The following RANBP17 variants were observed in gnomAD, a reference collection of about 807,000 sequenced individuals.
RANBP17 encodes the protein ran-binding protein 17.
RANBP17 carries 158 observed loss-of-function variants against 141.2 expected under a neutral mutation model. The observed-to-expected ratio is 1.12, with a 90% confidence interval of 0.98 to 1.28. The LOEUF (loss-of-function observed/expected upper bound fraction) is 1.28. Among genes scored for constraint, RANBP17 ranks in the 50% most tolerant of loss-of-function variants. The probability of loss-of-function intolerance (pLI) is 0.00; values close to 1 mark genes in which losing one functional copy is unlikely to be tolerated. For synonymous variants in RANBP17, 430 were observed against 450.0 expected, an observed-to-expected ratio of 0.96 and a Z score of 0.56; for missense variants, 1,438 against 1,290.7, an observed-to-expected ratio of 1.11 and a Z score of -1.75.
At chr5:171,003,341 G>C (rs1190794751) in intron 14 of RANBP17, among the ~76,000 whole-genome samples, 1 of 152,178 alleles carries the variant, frequency 6.6e-6, no homozygotes, top group Non-Finnish European at 1.5e-5. Flanking sequence ...GGGTCAGCTA[G>C]GTTTCCTTTT....
At chr5:170,974,952 C>A (rs1299800572) in intron 14 of RANBP17, among the ~76,000 whole-genome samples, 2 of 151,992 alleles carry the variant, frequency 1.3e-5, no homozygotes, top group South Asian at 4.1e-4. Context: ...TTCTTCCAGG[C>A]CCTTGCGCTC....
In RANBP17 at chr5:170,993,714, T is replaced by A. The variant is rs1778648638; in HGVS notation, c.1710+25337T>A. Among the ~76,000 whole-genome samples, 3 of 152,146 alleles carry A rather than the reference T, an allele frequency of 2.0e-5. No individual in the cohort carries two copies. The South Asian group carries it at 6.2e-4, about 31-fold the overall frequency. Reference sequence around the variant, plus strand: ...GTAATGATGATGATAATGATGACCATTGCATGGCTGTCACTTTTCTGGTTC... The same window carrying A: ...GTAATGATGATGATAATGATGACCAATGCATGGCTGTCACTTTTCTGGTTC... On this transcript the variant is annotated intron_variant, in intron 14 of 27. Coordinates refer to ENST00000523189, the MANE Select transcript of RANBP17 (RefSeq NM_022897.5).
At chr5:170,962,824 T>C (rs1431954218) in intron 13 of RANBP17, among the ~76,000 whole-genome samples, 1 of 152,206 alleles carries the variant, frequency 6.6e-6, no homozygotes, top group African/African-American at 2.4e-5. Flanking sequence ...TAAGTAGCTT[T>C]ATTTATAAAT....
intron 14 of RANBP17, among the ~76,000 whole-genome samples, chr5:171,035,343 T>A (rs1442732849): frequency 6.6e-6 from 1 of 152,172 alleles, no homozygotes; most frequent in East Asian, 1.9e-4. Flanking sequence ...GATACCTTAG[T>A]AATTTTTTAA....
intron 14 of RANBP17, among the ~76,000 whole-genome samples, chr5:171,063,566 C>T (rs934130259): frequency 2.0e-5 from 3 of 152,150 alleles, no homozygotes; most frequent in Non-Finnish European, 4.4e-5. Flanking sequence ...GTCAGTCTGC[C>T]CCTACTAGGG....
At position 170,961,753 on chromosome 5, in the gene RANBP17, A is replaced by G. The variant is rs753256989; in HGVS notation, c.1575-6489A>G. Among the ~76,000 whole-genome samples the G allele has an allele frequency of 1.2e-3, 178 of 152,344 alleles. 1 individual carries two copies. Among genetic ancestry groups the G allele is most frequent in the Non-Finnish European group, 2.3e-3 (156 of 68,034 alleles). ...TTCACAAAAGGAATACTTAACCTGT[A>G]TATATTGGTATGTATAGGCATTAGT... On this transcript the variant is annotated intron_variant, in intron 13 of 27. Coordinates refer to ENST00000523189, the MANE Select transcript of RANBP17 (RefSeq NM_022897.5).
At chr5:171,245,265 T>A (rs1313098976) in intron 24 of RANBP17, among the ~76,000 whole-genome samples, 1 of 152,242 alleles carries the variant, frequency 6.6e-6, no homozygotes, top group Non-Finnish European at 1.5e-5. Context: ...TTTGAATGTG[T>A]GCCAGACATC....
intron 25 of RANBP17, among the ~76,000 whole-genome samples, chr5:171,267,684 G>A (rs1427703422): frequency 6.6e-6 from 1 of 152,082 alleles, no homozygotes; most frequent in Non-Finnish European, 1.5e-5. Flanking sequence ...GTGTGTGCCT[G>A]TATTCCCAGC....
At chr5:171,198,272 T>C (rs983873445) in intron 18 of RANBP17, among the ~76,000 whole-genome samples, 4 of 152,230 alleles carry the variant, frequency 2.6e-5, no homozygotes, top group African/African-American at 9.6e-5. Flanking sequence ...TTGGTCTGCC[T>C]TACTCTTTAC....
intron 24 of RANBP17, among the ~76,000 whole-genome samples, chr5:171,254,056 G>A (rs1683521765): frequency 6.6e-6 from 1 of 152,052 alleles, no homozygotes; most frequent in African/African-American, 2.4e-5. Flanking sequence ...GACCATCCTG[G>A]CTAACACGGT....
intron 14 of RANBP17, among the ~76,000 whole-genome samples, chr5:171,104,885 T>C (rs535114563): frequency 6.6e-6 from 1 of 152,318 alleles, no homozygotes; most frequent in African/African-American, 2.4e-5. Flanking sequence ...ACAAATATTA[T>C]TATCAACTTT....
intron 24 of RANBP17, among the ~76,000 whole-genome samples, chr5:171,255,517 T>A (rs1765825798): frequency 6.6e-6 from 1 of 152,044 alleles, no homozygotes; most frequent in South Asian, 2.1e-4. Context: ...GGTAGTCACA[T>A]ACCTTGTTCA....
At chr5:171,058,658 G>A (rs368873672) in intron 14 of RANBP17, among the ~76,000 whole-genome samples, 9 of 149,604 alleles carry the variant, frequency 6.0e-5, no homozygotes, top group African/African-American at 1.5e-4. Context: ...ATGATTTATA[G>A]TCCTTTGGGT....
At position 171,293,961 on chromosome 5, in the gene RANBP17, C is replaced by T; in HGVS notation, c.3022C>T (p.Leu1008Phe). 6.2e-7 allele frequency: 1 copy of T among 1,612,988 alleles called. No individual in the cohort carries two copies. Among genetic ancestry groups the T allele is most frequent in the East Asian group, 2.2e-5 (1 of 44,864 alleles). The change falls in exon 26 of 28, where the codon CTC becomes TTC. Residue 1008 changes from leucine (L) to phenylalanine (F), a missense_variant. Physicochemically the swap from Leu to Phe is conservative, Grantham distance 22 (BLOSUM62 0). Transcript: ENST00000523189. The part of the protein sequence containing the change: ...QWSVSRPLLG[L>F]ILLNEKYFSE... ...GTCAGTATCCAGGCCTCTCCTGGGG[C>T]TCATCCTGCTCAATGAGAAGGTGAG...
intron 4 of RANBP17, among the ~76,000 whole-genome samples, chr5:170,894,486 T>A (rs5873242): frequency 0.074 from 9,880 of 133,078 alleles, 877 homozygotes; most frequent in African/African-American, 0.15. Flanking sequence ...TACGTGTTTT[T>A]TATATATATA....
intron 12 of RANBP17, among the ~76,000 whole-genome samples, chr5:170,950,193 C>T (rs1395463961): frequency 6.6e-6 from 1 of 151,940 alleles, no homozygotes; most frequent in Non-Finnish European, 1.5e-5. Flanking sequence ...TATTTTATGG[C>T]TAAGACCTCA....
At position 171,199,747 on chromosome 5, in the gene RANBP17, A is replaced by C. The variant is rs1762194728; in HGVS notation, c.2116A>C (p.Asn706His). The C allele has an allele frequency of 6.2e-7, 1 of 1,604,068 alleles. No individual in the cohort carries two copies. Among genetic ancestry groups the C allele is most frequent in the Non-Finnish European group, 8.5e-7 (1 of 1,172,720 alleles). ...AFETVLQIFNNNFKQEDVKRM... is the reference protein window; with the variant it reads ...AFETVLQIFNHNFKQEDVKRM... ...TGAAACAGTATTACAAATATTCAAC[A>C]ACAACTTTAAACAAGAAGATGTAAA... is the stretch of plus-strand genomic sequence containing the variant. Residue 706 changes from asparagine (N) to histidine (H), a missense_variant, in exon 19 of 28, where the codon AAC becomes CAC. Asn to His is a moderately conservative substitution (Grantham distance 68). Coordinates refer to ENST00000523189, the MANE Select transcript of RANBP17 (RefSeq NM_022897.5).
chr5:170,936,473 T>A (rs1773889744), intron 12 of RANBP17, among the ~76,000 whole-genome samples: 1 of 152,192 alleles, frequency 6.6e-6, no homozygotes, highest in African/African-American at 2.4e-5. Context: ...AATTATTATT[T>A]CTTTGTTCTT....
chr5:170,987,510 T>C lies in RANBP17; in HGVS notation c.1710+19133T>C, dbSNP rs371801366. ...AGTCATGTCATATGCTCAATACATA[T>C]ATAATACATTAGTATTCAGATAGGC... is the stretch of plus-strand genomic sequence containing the variant. On this transcript the variant is annotated intron_variant, in intron 14 of 27. Transcript: ENST00000523189. 2.1e-4 allele frequency among the ~76,000 whole-genome samples: 32 copies of C among 149,004 alleles called. No homozygotes were observed. In the East Asian group the frequency reaches 4.0e-3, roughly 18 times the overall value.
Sources: allele counts gnomAD v4.1 joint callset (sites outside exome capture counted in the v4.1 genomes callset), GRCh38; gene constraint gnomAD v4.1.1; transcripts MANE v1.5; gene names NCBI Gene and HGNC (gene_info 2026-07-23, HGNC 2026-07-21).